Variants in KIAA1217 observed in about 807,000 individuals in gnomAD.
KIAA1217 encodes KIAA1217.
KIAA1217 carries 88 observed loss-of-function variants against 163.9 expected under a neutral mutation model. That is an observed-to-expected ratio of 0.54 (90% CI 0.45 to 0.64). The LOEUF (loss-of-function observed/expected upper bound fraction) is 0.64. Ranked by LOEUF, KIAA1217 falls within the 30% of genes least tolerant of loss-of-function variation. The pLI is 0.00. For synonymous variants in KIAA1217, 903 were observed against 923.1 expected (o/e 0.98, Z 0.39); for missense variants, 2,372 against 2,475.0 (o/e 0.96, Z 0.88).
chr10:24,473,373 C>T lies in KIAA1217; in HGVS notation c.992C>T (p.Pro331Leu), dbSNP rs2063723658. The part of the protein sequence containing the change: ...HSMPPSPSRI[P>L]YGGTRSMVVP... ...ATGCCCCCCTCCCCGTCCAGAATTC[C>T]TTATGGGGGCACCCGCTCCATGGTT... Residue 331 changes from proline to leucine, a missense_variant, in exon 6 of 21, where the codon CCT (proline) becomes CTT (leucine). Transcript: ENST00000376454. 1 of 1,611,474 alleles carries T rather than the reference C, an allele frequency of 6.2e-7. No individual in the cohort carries two copies. Among genetic ancestry groups the T allele is most frequent in the East Asian group, 2.2e-5 (1 of 44,822 alleles).
intron 1 of KIAA1217, among the ~76,000 whole-genome samples, chr10:23,997,121 G>A (rs1645373363): frequency 6.6e-6 from 1 of 152,154 alleles, no homozygotes; most frequent in Admixed American, 6.5e-5. Flanking sequence ...GATTTCAACT[G>A]TTTGTGCTTT....
intron 2 of KIAA1217, among the ~76,000 whole-genome samples, chr10:24,289,188 A>C (rs1047023266): frequency 1.3e-5 from 2 of 152,220 alleles, no homozygotes; most frequent in African/African-American, 4.8e-5. Context: ...GCATTCAGCA[A>C]CTGGGAGTCC....
At chr10:24,393,772 C>G (rs935157449) in intron 3 of KIAA1217, among the ~76,000 whole-genome samples, 1 of 152,218 alleles carries the variant, frequency 6.6e-6, no homozygotes, top group Non-Finnish European at 1.5e-5. Context: ...AGACAGCTAT[C>G]TACAAGCCAG....
intron 2 of KIAA1217, among the ~76,000 whole-genome samples, chr10:24,010,707 A>G (rs531844744): frequency 1.7e-4 from 25 of 150,970 alleles, no homozygotes; most frequent in Non-Finnish European, 2.8e-4. Flanking sequence ...AAAAAAAAAA[A>G]GGGAACTTTA....
At chr10:24,132,226 C>T (rs2063679940) in intron 2 of KIAA1217, among the ~76,000 whole-genome samples, 1 of 152,086 alleles carries the variant, frequency 6.6e-6, no homozygotes, top group East Asian at 1.9e-4. Flanking sequence ...ACAGTCCCAC[C>T]TAACTGCAAG....
At chr10:23,855,497 G>A (rs999533381) in intron 1 of KIAA1217, among the ~76,000 whole-genome samples, 2 of 151,934 alleles carry the variant, frequency 1.3e-5, no homozygotes, top group East Asian at 3.9e-4. Context: ...TGTGTCTTGG[G>A]GTTGCTCTTC....
intron 1 of KIAA1217, among the ~76,000 whole-genome samples, chr10:23,864,059 A>G: frequency 6.8e-6 from 1 of 148,060 alleles, no homozygotes; most frequent in East Asian, 2.0e-4. Flanking sequence ...ACTCACAAAA[A>G]CCTTGTAAAG....
chr10:24,154,118 C>T (rs866027101), intron 2 of KIAA1217, among the ~76,000 whole-genome samples: 3 of 151,550 alleles, frequency 2.0e-5, no homozygotes, highest in Admixed American at 6.6e-5. Flanking sequence ...CCACTACGCC[C>T]GGCTAATTTT....
intron 16 of KIAA1217, among the ~76,000 whole-genome samples, chr10:24,535,022 T>G (rs1179225655): frequency 1.3e-5 from 2 of 152,174 alleles, no homozygotes; most frequent in African/African-American, 4.8e-5. Context: ...CCATAATGAT[T>G]CTCTTGTTTC....
At chr10:23,882,228 G>A (rs1840981705) in intron 1 of KIAA1217, among the ~76,000 whole-genome samples, 1 of 151,888 alleles carries the variant, frequency 6.6e-6, no homozygotes. Flanking sequence ...ACAGATGTGG[G>A]TGGCAATGTG....
chr10:24,518,274 C>G (rs2070512510), intron 10 of KIAA1217, among the ~76,000 whole-genome samples: 1 of 152,172 alleles, frequency 6.6e-6, no homozygotes, highest in Non-Finnish European at 1.5e-5. Flanking sequence ...CCCCATGTCT[C>G]TGTTACATTT....
intron 2 of KIAA1217, among the ~76,000 whole-genome samples, chr10:24,174,645 TC>T (rs771491349): frequency 2.6e-5 from 4 of 152,182 alleles, no homozygotes; most frequent in Non-Finnish European, 4.4e-5. Flanking sequence ...TTTAAGCAAC[TC>T]AGTTTATGGT....
chr10:24,118,529 T>C (rs1417653795), intron 2 of KIAA1217, among the ~76,000 whole-genome samples: 2 of 152,194 alleles, frequency 1.3e-5, no homozygotes, highest in Non-Finnish European at 1.5e-5. Context: ...ATGAGTTCAT[T>C]TCTCTTCAGA....
chr10:23,709,563 C>T (rs574899853), intron 1 of KIAA1217, among the ~76,000 whole-genome samples: 1 of 151,876 alleles, frequency 6.6e-6, no homozygotes, highest in Non-Finnish European at 1.5e-5. Context: ...GAAATAGAAA[C>T]TTCCTTTCAT....
chr10:24,501,384 C>T lies in KIAA1217; in HGVS notation c.1840C>T (p.Pro614Ser). The change falls in exon 9 of 21, where the codon CCC (proline) becomes TCC (serine). Residue 614 changes from proline (P) to serine (S), a missense_variant. By Grantham distance (74) the Pro-to-Ser change is moderately conservative. Coordinates refer to ENST00000376454, the MANE Select transcript of KIAA1217 (RefSeq NM_019590.5). ...CTGATGCACTTTTCTCATAGGAACGCCCCATGTGTCTGGTGGGAAGATGCT... is the reference window on the plus strand; with the variant it reads ...CTGATGCACTTTTCTCATAGGAACGTCCCATGTGTCTGGTGGGAAGATGCT... ...NRNHTDSAGT[P>S]HVSGGKMLSA... The T allele has an allele frequency of 6.2e-7, 1 of 1,608,644 alleles. No homozygotes were observed. The highest frequency in any genetic ancestry group is 8.5e-7 in the Non-Finnish European group (1 of 1,175,844).
At chr10:23,902,059 C>A (rs2131246958) in intron 1 of KIAA1217, among the ~76,000 whole-genome samples, 1 of 152,094 alleles carries the variant, frequency 6.6e-6, no homozygotes, top group Non-Finnish European at 1.5e-5. Flanking sequence ...TTGGAGGGAG[C>A]ATGCAGTATT....
chr10:23,778,095 C>T (rs903382381), intron 1 of KIAA1217, among the ~76,000 whole-genome samples: 2 of 152,058 alleles, frequency 1.3e-5, no homozygotes, highest in Non-Finnish European at 2.9e-5. Context: ...GTGTGCACCA[C>T]CATGTTTGGC....
At chr10:24,254,247 C>T (rs79780883) in intron 2 of KIAA1217, among the ~76,000 whole-genome samples, 2,329 of 152,278 alleles carry the variant, frequency 0.015, 53 homozygotes, top group African/African-American at 0.052. Flanking sequence ...CCCTTAACAC[C>T]GGGCATTGTT....
intron 3 of KIAA1217, among the ~76,000 whole-genome samples, chr10:24,400,152 G>A (rs1436885691): frequency 6.6e-6 from 1 of 152,190 alleles, no homozygotes; most frequent in East Asian, 1.9e-4. Flanking sequence ...CAGCAAAGAG[G>A]TTTGCCTCTG....
Sources: gnomAD v4.1 joint callset for allele counts (sites outside exome capture counted in the v4.1 genomes callset) on GRCh38, gnomAD v4.1.1 for gene constraint, MANE v1.5 for transcripts, NCBI Gene and HGNC (gene_info 2026-07-23, HGNC 2026-07-21) for gene names.